Variants in MRPS6 observed in about 807,000 individuals in gnomAD.
The protein encoded by MRPS6 is mitochondrial ribosomal protein S6, also known as small ribosomal subunit protein bS6m.
In MRPS6, 6 loss-of-function variants were observed where a neutral mutation model predicts 13.1. That is an observed-to-expected ratio of 0.46 (90% CI 0.25 to 0.91). The LOEUF is 0.91. Ranked by LOEUF, MRPS6 falls within the 40% of genes least tolerant of loss-of-function variation. The pLI is 0.18. For synonymous variants in MRPS6, 61 were observed against 56.5 expected, an observed-to-expected ratio of 1.08 and a Z score of -0.36; for missense variants, 164 against 155.6, an observed-to-expected ratio of 1.05 and a Z score of -0.29.
chr21:34,111,583 C>T (rs527866560), intron 1 of MRPS6, among the ~76,000 whole-genome samples: 3 of 152,360 alleles, frequency 2.0e-5, no homozygotes, highest in South Asian at 2.1e-4. Context: ...CACCATCTTG[C>T]TCTTCTGTTT....
chr21:34,136,371 C>T (rs1157723045), intron 2 of MRPS6, among the ~76,000 whole-genome samples: 1 of 152,200 alleles, frequency 6.6e-6, no homozygotes, highest in Non-Finnish European at 1.5e-5. Context: ...TGGTCTCGAA[C>T]TCCTGACTTC....
chr21:34,077,451 A>G (rs1294961627), intron 1 of MRPS6, among the ~76,000 whole-genome samples: 2 of 152,216 alleles, frequency 1.3e-5, no homozygotes, highest in Non-Finnish European at 2.9e-5. Flanking sequence ...CTGGGATAAT[A>G]CTTTTCCTGA....
intron 1 of MRPS6, among the ~76,000 whole-genome samples, chr21:34,080,724 C>G (rs1440953381): frequency 6.6e-6 from 1 of 152,196 alleles, no homozygotes; most frequent in East Asian, 1.9e-4. Flanking sequence ...ATTACAAATT[C>G]TTGAGAGCTG....
chr21:34,086,344 C>T (rs572518254), intron 1 of MRPS6, among the ~76,000 whole-genome samples: 1 of 152,224 alleles, frequency 6.6e-6, no homozygotes, highest in African/African-American at 2.4e-5. Flanking sequence ...CAGCTGCATG[C>T]GTCCATTTTG....
chr21:34,135,974 C>T (rs979906358), intron 2 of MRPS6: 1 of 354,700 alleles, frequency 2.8e-6, no homozygotes, highest in African/African-American at 2.2e-5. Context: ...TGCATATCAT[C>T]ATTTGTGCTG....
At chr21:34,079,192 G>A (rs113057770) in intron 1 of MRPS6, among the ~76,000 whole-genome samples, 1,747 of 152,080 alleles carry the variant, frequency 0.011, 38 homozygotes, top group South Asian at 0.08. Context: ...AATAGGTGGG[G>A]AAAAAAACAG....
intron 1 of MRPS6, chr21:34,101,432 T>A: frequency 1.0e-6 from 1 of 1,000,232 alleles, no homozygotes; most frequent in Non-Finnish European, 1.2e-6. Flanking sequence ...TGTAAGATTT[T>A]GCATTAGCCA....
chr21:34,097,358 T>A, intron 1 of MRPS6: 1 of 1,589,684 alleles, frequency 6.3e-7, no homozygotes, highest in Non-Finnish European at 8.6e-7. Context: ...CCTTATGAAC[T>A]TAAGGATATG....
chr21:34,119,588 A>G (rs1031266010), intron 1 of MRPS6, among the ~76,000 whole-genome samples: 3 of 152,126 alleles, frequency 2.0e-5, no homozygotes, highest in Admixed American at 6.5e-5. Context: ...TGAGGCGGGC[A>G]GGGTGTAGGT....
intron 1 of MRPS6, chr21:34,100,479 G>A (rs1979185316): frequency 1.0e-6 from 1 of 1,000,062 alleles, no homozygotes. Context: ...CAATGGTGCT[G>A]TGTCCTTCGG....
chr21:34,115,596 T>C (rs1365274551), intron 1 of MRPS6, among the ~76,000 whole-genome samples: 1 of 152,194 alleles, frequency 6.6e-6, no homozygotes. Flanking sequence ...ATTATTACTA[T>C]ATTGTTAAAA....
intron 1 of MRPS6, chr21:34,099,131 T>A: frequency 1.0e-6 from 1 of 999,616 alleles, no homozygotes; most frequent in Non-Finnish European, 1.2e-6. Flanking sequence ...AGTCTGTAAA[T>A]GAAAAAATAA....
chr21:34,131,155 G>T (rs1277914416), intron 2 of MRPS6, among the ~76,000 whole-genome samples: 1 of 152,228 alleles, frequency 6.6e-6, no homozygotes, highest in East Asian at 1.9e-4. Flanking sequence ...GCTATTTGGA[G>T]AGCTTTTGTT....
At chr21:34,113,547 CT>C (rs1979788344) in intron 1 of MRPS6, among the ~76,000 whole-genome samples, 1 of 152,108 alleles carries the variant, frequency 6.6e-6, no homozygotes, top group South Asian at 2.1e-4. Flanking sequence ...CCTATAATTC[CT>C]TTGTGTTTGT....
rs772142060 is a variant in MRPS6 at position 34,096,264 on chromosome 21, A to T, written c.45+22519A>T. On this transcript the variant is annotated intron_variant, in intron 1 of 2. Transcript: ENST00000399312. The surrounding 1 kb of genome is among the most constrained non-coding windows in gnomAD (Gnocchi z 5.9). ...CAATATTGCTTACCCACGCCTGGTG[A>T]TGAAGCTGGTTCCTGTGGGCCTTCG... The T allele has an allele frequency of 9.3e-6, 15 of 1,614,012 alleles. No individual in the cohort carries two copies. The highest frequency in any genetic ancestry group is 1.3e-5 in the Non-Finnish European group (15 of 1,180,016).
intron 2 of MRPS6, chr21:34,136,031 G>A (rs1219443195): frequency 1.4e-5 from 4 of 276,734 alleles, no homozygotes; most frequent in Non-Finnish European, 2.8e-5. Flanking sequence ...CTTGGTGTCA[G>A]GGGTCTCTAC....
At chr21:34,090,765 A>G (rs1602921106) in intron 1 of MRPS6, among the ~76,000 whole-genome samples, 1 of 152,232 alleles carries the variant, frequency 6.6e-6, no homozygotes, top group Non-Finnish European at 1.5e-5. Flanking sequence ...AAAGCCAGAC[A>G]GTTGAGACTT....
chr21:34,077,463 A>G (rs1830806488), intron 1 of MRPS6, among the ~76,000 whole-genome samples: 1 of 152,236 alleles, frequency 6.6e-6, no homozygotes, highest in South Asian at 2.1e-4. Flanking sequence ...TTTTCCTGAA[A>G]TCTTCTCATT....
intron 1 of MRPS6, chr21:34,124,984 G>C (rs1980249136): frequency 6.1e-6 from 1 of 164,204 alleles, no homozygotes; most frequent in Non-Finnish European, 1.3e-5. Flanking sequence ...TTTGAATTTT[G>C]AGTCATGGGA....
Sources: allele counts gnomAD v4.1 joint callset (sites outside exome capture counted in the v4.1 genomes callset), GRCh38; gene constraint gnomAD v4.1.1; non-coding constraint Gnocchi (gnomAD v3.1); transcripts MANE v1.5; gene names NCBI Gene and HGNC (gene_info 2026-07-23, HGNC 2026-07-21).